Variants in PDE10A observed in about 807,000 individuals in gnomAD.
PDE10A encodes the protein phosphodiesterase 10A, also known as cAMP and cAMP-inhibited cGMP 3',5'-cyclic phosphodiesterase 10A.
In PDE10A, 39 loss-of-function variants were observed where a neutral mutation model predicts 97.7. The ratio of observed to expected loss-of-function variants is 0.40; its 90% CI spans 0.31 to 0.52. The LOEUF (loss-of-function observed/expected upper bound fraction) is 0.52, where lower values mean the gene tolerates loss of function less well. Ranked by LOEUF, PDE10A falls within the 20% of genes least tolerant of loss-of-function variation. The probability of loss-of-function intolerance (pLI) is 0.56; values close to 1 mark genes in which losing one functional copy is unlikely to be tolerated. For synonymous variants in PDE10A, 371 were observed against 376.8 expected (o/e 0.98, Z 0.18); for missense variants, 731 against 1,047.8 (o/e 0.70, Z 4.17).
chr6:165,427,613 C>A (rs1006553113), intron 10 of PDE10A, among the ~76,000 whole-genome samples: 1 of 152,012 alleles, frequency 6.6e-6, no homozygotes, highest in East Asian at 1.9e-4. Context: ...ACCACTGAAT[C>A]GCACACTTTA....
intron 3 of PDE10A, among the ~76,000 whole-genome samples, chr6:165,471,162 T>C (rs1778977705): frequency 6.6e-6 from 1 of 152,188 alleles, no homozygotes; most frequent in African/African-American, 2.4e-5. Flanking sequence ...CAGCACCATT[T>C]GACATAGTTG....
intron 1 of PDE10A, among the ~76,000 whole-genome samples, chr6:165,812,191 G>T (rs1322321951): frequency 1.3e-5 from 2 of 151,964 alleles, no homozygotes; most frequent in African/African-American, 2.4e-5. Context: ...TGTTCTTTCA[G>T]AAAGTAGGAA....
chr6:165,752,004 A>C (rs920706519), intron 1 of PDE10A, among the ~76,000 whole-genome samples: 16 of 151,990 alleles, frequency 1.1e-4, no homozygotes, highest in African/African-American at 3.9e-4. Context: ...CTAGCCAGGC[A>C]TGGTGACGGG....
At chr6:165,951,579 A>G (rs1254898605) in intron 1 of PDE10A, among the ~76,000 whole-genome samples, 2 of 152,016 alleles carry the variant, frequency 1.3e-5, no homozygotes, top group Non-Finnish European at 2.9e-5. Flanking sequence ...TGAACTTCCA[A>G]TGGGACCCTT....
At chr6:165,397,245 T>C (rs1388498931) in intron 13 of PDE10A, among the ~76,000 whole-genome samples, 1 of 152,212 alleles carries the variant, frequency 6.6e-6, no homozygotes, top group African/African-American at 2.4e-5. Context: ...TCAATATTTA[T>C]ACTTGTGAAT....
At chr6:165,611,793 G>C (rs1787506935) in intron 1 of PDE10A, among the ~76,000 whole-genome samples, 1 of 152,226 alleles carries the variant, frequency 6.6e-6, no homozygotes, top group African/African-American at 2.4e-5. Flanking sequence ...TAAGTATAAT[G>C]AAGATAATGT....
At chr6:165,593,686 T>TA (rs1397776921) in intron 1 of PDE10A, among the ~76,000 whole-genome samples, 2 of 152,344 alleles carry the variant, frequency 1.3e-5, no homozygotes, top group South Asian at 2.1e-4. Flanking sequence ...TGTTTTATAA[T>TA]AAAAACATTT....
chr6:165,985,104 G>A (rs1785147534), intron 1 of PDE10A, among the ~76,000 whole-genome samples: 1 of 152,206 alleles, frequency 6.6e-6, no homozygotes, highest in Non-Finnish European at 1.5e-5. Context: ...CTGGGCTGCA[G>A]GAAGGAATCG....
chr6:165,978,676 A>G (rs1048855784), intron 1 of PDE10A, among the ~76,000 whole-genome samples: 21 of 152,180 alleles, frequency 1.4e-4, no homozygotes, highest in African/African-American at 4.8e-4. Context: ...ACGACTCAAC[A>G]TATGTGTGAT....
chr6:165,789,307 T>C (rs1355838879), intron 1 of PDE10A, among the ~76,000 whole-genome samples: 1 of 152,248 alleles, frequency 6.6e-6, no homozygotes, highest in Admixed American at 6.5e-5. Context: ...ACAAACATAT[T>C]AGAACTTCAC....
upstream of PDE10A, among the ~76,000 whole-genome samples, chr6:165,665,328 G>T (rs1415189815): frequency 2.6e-5 from 4 of 152,210 alleles, no homozygotes; most frequent in Non-Finnish European, 5.9e-5. Flanking sequence ...ACTCACCCGT[G>T]CTCAGGTGGC....
chr6:165,414,527 C>G (rs1198933704), intron 12 of PDE10A, among the ~76,000 whole-genome samples: 1 of 152,126 alleles, frequency 6.6e-6, no homozygotes, highest in Non-Finnish European at 1.5e-5. Flanking sequence ...AGTTATACCT[C>G]TATTGAATGG....
At chr6:165,639,554 A>T (rs1218682816) in intron 1 of PDE10A, among the ~76,000 whole-genome samples, 2 of 152,032 alleles carry the variant, frequency 1.3e-5, no homozygotes. Flanking sequence ...CCTGGCCAAC[A>T]TGGCAAAATC....
At chr6:165,827,374 C>A (rs1043109886) in intron 1 of PDE10A, among the ~76,000 whole-genome samples, 4 of 152,220 alleles carry the variant, frequency 2.6e-5, no homozygotes, top group Non-Finnish European at 5.9e-5. Context: ...GGTGACAGCG[C>A]CAAGCTCCAC....
intron 2 of PDE10A, among the ~76,000 whole-genome samples, chr6:165,510,508 T>C (rs1361032962): frequency 6.6e-6 from 1 of 152,032 alleles, no homozygotes; most frequent in African/African-American, 2.4e-5. Context: ...TTTTGCTGTG[T>C]CCTTGTCTGG....
chr6:165,664,692 C>T (rs1012528978), upstream of PDE10A, among the ~76,000 whole-genome samples: 4 of 152,310 alleles, frequency 2.6e-5, no homozygotes, highest in East Asian at 7.7e-4. Context: ...AGAGTCCACT[C>T]CGGTTACTTT....
At chr6:165,854,921 G>T (rs973915466) in intron 1 of PDE10A, among the ~76,000 whole-genome samples, 2 of 152,226 alleles carry the variant, frequency 1.3e-5, no homozygotes, top group African/African-American at 4.8e-5. Flanking sequence ...ATGCGGGAAG[G>T]TTTGTGAGGC....
intron 1 of PDE10A, among the ~76,000 whole-genome samples, chr6:165,614,231 G>A (rs187864767): frequency 9.9e-5 from 15 of 152,200 alleles, no homozygotes; most frequent in Middle Eastern, 3.4e-3. Context: ...AGTAATCCTT[G>A]TAAACCGCAA....
chr6:165,369,454 C>T (rs1387688542), intron 18 of PDE10A, among the ~76,000 whole-genome samples: 1 of 150,380 alleles, frequency 6.6e-6, no homozygotes, highest in Non-Finnish European at 1.5e-5. Context: ...GGAGCTGATG[C>T]GATCAACTGG....
Sources: allele counts gnomAD v4.1 joint callset (sites outside exome capture counted in the v4.1 genomes callset), GRCh38; gene constraint gnomAD v4.1.1; transcripts MANE v1.5; gene names NCBI Gene and HGNC (gene_info 2026-07-23, HGNC 2026-07-21).